The following C1orf185 variants were observed in gnomAD, a reference collection of about 807,000 sequenced individuals.
The protein encoded by C1orf185 is uncharacterized protein C1orf185.
C1orf185 carries 13 observed loss-of-function variants against 16.1 expected under a neutral mutation model. The observed-to-expected ratio is 0.81, with a 90% confidence interval of 0.53 to 1.28. C1orf185 has a LOEUF of 1.28. Ranked by LOEUF, C1orf185 falls within the 50% of genes most tolerant of loss-of-function variation. The pLI is 0.00. For missense variants in C1orf185, 220 were observed against 225.2 expected, an observed-to-expected ratio of 0.98 and a Z score of 0.15; for synonymous variants, 80 against 76.9, an observed-to-expected ratio of 1.04 and a Z score of -0.21.
At chr1:51,132,234 C>T (rs1646291241) in intron 3 of C1orf185, among the ~76,000 whole-genome samples, 1 of 152,160 alleles carries the variant, frequency 6.6e-6, no homozygotes, top group African/African-American at 2.4e-5. Flanking sequence ...GGTTCTGAAC[C>T]AGGCTGAGAT....
At chr1:51,140,839 A>T (rs1024809893) in intron 3 of C1orf185, among the ~76,000 whole-genome samples, 6 of 152,118 alleles carry the variant, frequency 3.9e-5, no homozygotes, top group African/African-American at 1.4e-4. Flanking sequence ...CTCACTTCTG[A>T]TATTTATTTG....
At chr1:51,142,907 G>A (rs1646374667) in intron 3 of C1orf185, among the ~76,000 whole-genome samples, 1 of 151,940 alleles carries the variant, frequency 6.6e-6, no homozygotes, top group Non-Finnish European at 1.5e-5. Flanking sequence ...GGGATTACAG[G>A]CATGCACCAT....
chr1:51,130,923 A>G (rs1646278326), intron 3 of C1orf185, among the ~76,000 whole-genome samples: 1 of 152,022 alleles, frequency 6.6e-6, no homozygotes, highest in Non-Finnish European at 1.5e-5. Flanking sequence ...CTCTTTTGAG[A>G]TGGAGTTTCA....
downstream of C1orf185, among the ~76,000 whole-genome samples, chr1:51,151,862 T>C (rs1646430729): frequency 6.6e-6 from 1 of 151,986 alleles, no homozygotes; most frequent in Non-Finnish European, 1.5e-5. Context: ...ATAATTTTTT[T>C]GTATTTTTAG....
chr1:51,144,151 T>C lies in C1orf185; in HGVS notation c.259-1573T>C, dbSNP rs567723786. The stretch of plus-strand genomic sequence containing the variant: ...TTTAATCAGTCTAGGGCCTTAATCT[T>C]TGGTTCCCAGACCAGCAATATCAAC... On this transcript the variant is annotated intron_variant, in intron 3 of 4. Transcript: ENST00000371759. 2.0e-5 allele frequency among the ~76,000 whole-genome samples: 3 copies of C among 152,280 alleles called. No homozygotes were observed. In the East Asian group the frequency reaches 5.8e-4, roughly 29 times the overall value.
chr1:51,107,521 A>G (rs1646082427), intron 1 of C1orf185, among the ~76,000 whole-genome samples: 1 of 152,216 alleles, frequency 6.6e-6, no homozygotes, highest in Non-Finnish European at 1.5e-5. Context: ...AAATGTGCAT[A>G]AGTGAAATCA....
intron 3 of C1orf185, among the ~76,000 whole-genome samples, chr1:51,132,854 G>T (rs895004208): frequency 4.6e-5 from 7 of 152,164 alleles, no homozygotes; most frequent in African/African-American, 1.7e-4. Context: ...CAGACTAACT[G>T]CAGACCTCTC....
At chr1:51,129,248 C>T (rs1366594482) in intron 3 of C1orf185, among the ~76,000 whole-genome samples, 2 of 152,058 alleles carry the variant, frequency 1.3e-5, no homozygotes, top group African/African-American at 4.8e-5. Flanking sequence ...TCAAGTGATC[C>T]TCCCTCCTTG....
At position 51,126,052 on chromosome 1, in the gene C1orf185, AC is replaced by A. The variant is rs561126718; in HGVS notation, c.258+7252del. Among the ~76,000 whole-genome samples, 29 of 151,994 alleles carry A rather than the reference AC, an allele frequency of 1.9e-4. No individual in the cohort carries two copies. The South Asian group carries it at 3.5e-3, about 19-fold the overall frequency. On this transcript the variant is annotated intron_variant, in intron 3 of 4. Coordinates refer to ENST00000371759, the MANE Select transcript of C1orf185 (RefSeq NM_001136508.2). The stretch of plus-strand genomic sequence containing the variant: ...TTCTTAATTGGGTCCCTGTTCCTCA[AC>A]TCAAGTTACTTAGGTTCTGCACGTG...
intron 3 of C1orf185, among the ~76,000 whole-genome samples, chr1:51,140,229 T>C (rs1000144143): frequency 5.9e-5 from 9 of 152,194 alleles, no homozygotes; most frequent in African/African-American, 2.2e-4. Flanking sequence ...CTTTTCTGTT[T>C]GTGCAAATTA....
intron 2 of C1orf185, among the ~76,000 whole-genome samples, chr1:51,113,689 A>AATACATACATAC (rs547274694): frequency 2.0e-5 from 3 of 152,002 alleles, no homozygotes; most frequent in African/African-American, 7.3e-5. Flanking sequence ...CCATCTCAAA[A>AATACATACATAC]ATACATACAT....
intron 3 of C1orf185, among the ~76,000 whole-genome samples, chr1:51,137,309 G>T (rs575476108): frequency 9.2e-5 from 14 of 151,990 alleles, no homozygotes; most frequent in Non-Finnish European, 1.8e-4. Context: ...GAGGCAGGTG[G>T]ATCACTTGAG....
intron 4 of C1orf185, among the ~76,000 whole-genome samples, chr1:51,146,002 G>GATACATTGTACTATGACATT (rs1646396606): frequency 6.6e-6 from 1 of 152,046 alleles, no homozygotes; most frequent in Non-Finnish European, 1.5e-5. Context: ...TGTACTCAAA[G>GATACATTGTACTATGACATT]GTATCATAGT....
chr1:51,137,601 A>G (rs914759938), intron 3 of C1orf185, among the ~76,000 whole-genome samples: 3 of 152,324 alleles, frequency 2.0e-5, no homozygotes, highest in African/African-American at 7.2e-5. Context: ...ACACACTGTT[A>G]TGGGAGTGTA....
At chr1:51,132,844 C>T (rs1245427485) in intron 3 of C1orf185, among the ~76,000 whole-genome samples, 1 of 152,120 alleles carries the variant, frequency 6.6e-6, no homozygotes, top group Non-Finnish European at 1.5e-5. Flanking sequence ...GAAAGCCCAT[C>T]AGACTAACTG....
In C1orf185 at chr1:51,147,649, C is replaced by G. The variant is rs115151851; in HGVS notation, c.478C>G (p.Leu160Val). ...AADDWFSDDS[L>V]VKRNSPMPSL... ...TGATGACTGGTTTTCTGATGATTCT[C>G]TAGTGAAAAGGAACTCTCCAATGCC... The change falls in exon 5 of 5, where the codon CTA becomes GTA. Residue 160 changes from leucine to valine, a missense_variant. Physicochemically the swap from Leu to Val is conservative, Grantham distance 32 (BLOSUM62 1). Coordinates refer to ENST00000371759, the MANE Select transcript of C1orf185 (RefSeq NM_001136508.2). The G allele has an allele frequency of 9.9e-5, 153 of 1,551,458 alleles. No homozygotes were observed. In the African/African-American group the frequency reaches 1.8e-3, roughly 18 times the overall value.
At chr1:51,139,396 A>G (rs1463174464) in intron 3 of C1orf185, among the ~76,000 whole-genome samples, 4 of 152,098 alleles carry the variant, frequency 2.6e-5, no homozygotes, top group African/African-American at 9.7e-5. Flanking sequence ...GAGTTACTGC[A>G]CCTGTCCAAA....
chr1:51,131,280 T>C (rs1646283327), intron 3 of C1orf185, among the ~76,000 whole-genome samples: 1 of 152,192 alleles, frequency 6.6e-6, no homozygotes, highest in African/African-American at 2.4e-5. Context: ...TGTTCCAGTA[T>C]TATTTGTTGA....
At chr1:51,118,548 T>C in intron 2 of C1orf185, 118 bp from the exon 3 acceptor site, 1 of 586,782 alleles carries the variant, frequency 1.7e-6, no homozygotes, top group Non-Finnish European at 2.6e-6. Context: ...AAAATAAATA[T>C]GCTATAATGT....
Sources: gnomAD v4.1 joint callset for allele counts (sites outside exome capture counted in the v4.1 genomes callset) on GRCh38, gnomAD v4.1.1 for gene constraint, MANE v1.5 for transcripts, NCBI Gene and HGNC (gene_info 2026-07-23, HGNC 2026-07-21) for gene names.